The following ZNF521 variants were observed in gnomAD, a reference collection of about 807,000 sequenced individuals.
ZNF521 encodes the protein zinc finger protein 521, also known as LYST-interacting protein 3.
Under a neutral mutation model 105.5 loss-of-function variants are expected in ZNF521, and 14 were observed. The ratio of observed to expected loss-of-function variants is 0.13; its 90% CI spans 0.09 to 0.21. The LOEUF (loss-of-function observed/expected upper bound fraction) is 0.21. ZNF521 is among the 10% of genes least tolerant of loss of function. The probability of loss-of-function intolerance (pLI) is 1.00; values close to 1 mark genes in which losing one functional copy is unlikely to be tolerated. For synonymous variants in ZNF521, 635 were observed against 606.0 expected, an observed-to-expected ratio of 1.05 and a Z score of -0.70; for missense variants, 1,233 against 1,629.7, an observed-to-expected ratio of 0.76 and a Z score of 4.19.
In ZNF521 at chr18:25,227,076, A is replaced by T. The variant is rs767383538; in HGVS notation, c.842T>A (p.Leu281His). 6.2e-7 allele frequency: 1 copy of T among 1,614,062 alleles called. No individual in the cohort carries two copies. Among genetic ancestry groups the T allele is most frequent in the Non-Finnish European group, 8.5e-7 (1 of 1,180,002 alleles). The change falls in exon 4 of 8, where the codon CTC becomes CAC. Residue 281 changes from leucine to histidine, a missense_variant. Coordinates refer to ENST00000361524, the MANE Select transcript of ZNF521 (RefSeq NM_015461.3). This position sits in a 1 kb window ranked among gnomAD's most constrained non-coding sequence, Gnocchi z 5.7. ...ECSPNEDRAA[L>H]QCVYCHELFV... ...GAGCTCGTGGCAGTAGACACACTGGAGGGCCGCTCGGTCCTCATTTGGGGA... is the reference window on the plus strand; with the variant it reads ...GAGCTCGTGGCAGTAGACACACTGGTGGGCCGCTCGGTCCTCATTTGGGGA...
chr18:25,350,319 C>T (rs914375748), intron 2 of ZNF521, among the ~76,000 whole-genome samples: 1 of 151,856 alleles, frequency 6.6e-6, no homozygotes, highest in Non-Finnish European at 1.5e-5. Flanking sequence ...AGCCGGGGTC[C>T]GGTGCCCGCG....
At position 25,343,420 on chromosome 18, in the gene ZNF521, T is replaced by C. The variant is rs117951105; in HGVS notation, c.40+7487A>G. ...CATTTCCTACAGAAGGTTTAGAGTATGTTTCCGTGTATATAGACTATGTAT... is the reference window on the plus strand; with the variant it reads ...CATTTCCTACAGAAGGTTTAGAGTACGTTTCCGTGTATATAGACTATGTAT... On this transcript the variant is annotated intron_variant, in intron 2 of 7. Transcript: ENST00000361524. 5.6e-3 allele frequency among the ~76,000 whole-genome samples: 847 copies of C among 152,350 alleles called. 4 individuals carry two copies. Among genetic ancestry groups the C allele is most frequent in the Non-Finnish European group, 8.6e-3 (582 of 68,032 alleles).
At chr18:25,132,966 A>G (rs1215969347) in intron 5 of ZNF521, among the ~76,000 whole-genome samples, 1 of 152,176 alleles carries the variant, frequency 6.6e-6, no homozygotes, top group Non-Finnish European at 1.5e-5. Flanking sequence ...ACAGCAGGAC[A>G]TGTGTGCGGC....
chr18:25,173,677 C>G (rs2058368958), intron 5 of ZNF521, among the ~76,000 whole-genome samples: 2 of 151,860 alleles, frequency 1.3e-5, no homozygotes, highest in African/African-American at 4.8e-5. Flanking sequence ...CAGGTGGAAA[C>G]AAGAGATAAA....
At chr18:25,212,538 AATATATATATATATATAT>A (rs1279194731) in intron 4 of ZNF521, among the ~76,000 whole-genome samples, 3 of 48,132 alleles carry the variant, frequency 6.2e-5, no homozygotes, top group African/African-American at 3.9e-4. Context: ...AAAAAAAAAA[AATATATATATATATATAT>A]ATATATATAT....
intron 5 of ZNF521, among the ~76,000 whole-genome samples, chr18:25,141,340 G>A (rs1298486638): frequency 6.6e-6 from 1 of 152,152 alleles, no homozygotes; most frequent in Non-Finnish European, 1.5e-5. Flanking sequence ...TGGTGGTCCT[G>A]CCAAATTGTG....
chr18:25,135,347 C>CTACT (rs2034714285), intron 5 of ZNF521, among the ~76,000 whole-genome samples: 1 of 150,996 alleles, frequency 6.6e-6, no homozygotes, highest in Non-Finnish European at 1.5e-5. Flanking sequence ...CTCCTTGAGG[C>CTACT]TACTGCCCAG....
chr18:25,247,877 C>T (rs1907839971), intron 3 of ZNF521, among the ~76,000 whole-genome samples: 1 of 152,104 alleles, frequency 6.6e-6, no homozygotes, highest in South Asian at 2.1e-4. Context: ...GAAGGAAATG[C>T]ATTCATTTGT....
chr18:25,099,054 A>G (rs1366880722), intron 5 of ZNF521, among the ~76,000 whole-genome samples: 1 of 152,136 alleles, frequency 6.6e-6, no homozygotes, highest in Non-Finnish European at 1.5e-5. Context: ...TTGAGAACTC[A>G]GTTTGGGGTT....
intron 3 of ZNF521, among the ~76,000 whole-genome samples, chr18:25,256,289 T>C (rs1030701816): frequency 6.6e-6 from 1 of 152,086 alleles, no homozygotes; most frequent in South Asian, 2.1e-4. Flanking sequence ...TTAATGAGTA[T>C]AGAGTTTCAG....
rs1026523497 is a variant in ZNF521 at position 25,214,209 on chromosome 18, T to C, written c.3573+10136A>G. On this transcript the variant is annotated intron_variant, in intron 4 of 7. Transcript: ENST00000361524. ...CTTAAACTTTACATGAATAAAGTCA[T>C]TTTGCTCCTCATTCTCTCAAAAAAA... Among the ~76,000 whole-genome samples, 3 of 152,162 alleles carry C rather than the reference T, an allele frequency of 2.0e-5. No homozygotes were observed. The East Asian group carries it at 5.8e-4, about 29-fold the overall frequency.
chr18:25,062,356 G>A lies in ZNF521; in HGVS notation c.*356C>T. ...AAAGGAAGTCCAACCATAGTCTCAT[G>A]TATAACAGTTGTTTTTAATCTTTCT... On this transcript the variant is annotated 3_prime_UTR_variant, in exon 8 of 8. Coordinates refer to ENST00000361524, the MANE Select transcript of ZNF521 (RefSeq NM_015461.3). 7.1e-6 allele frequency: 2 copies of A among 279,764 alleles called. No individual in the cohort carries two copies. Among genetic ancestry groups the A allele is most frequent in the South Asian group, 8.6e-5 (1 of 11,610 alleles). The allele number at this position is 279,764 out of a possible 1,614,324, so 17.3% of individuals were successfully genotyped here.
At chr18:25,220,629 GCACCCTAT>G in intron 4 of ZNF521, among the ~76,000 whole-genome samples, 1 of 152,238 alleles carries the variant, frequency 6.6e-6, no homozygotes, top group South Asian at 2.1e-4. Flanking sequence ...TGATTCTGTG[GCACCCTAT>G]GCACATCTCG....
chr18:25,112,319 A>G (rs1322755351), intron 5 of ZNF521, among the ~76,000 whole-genome samples: 2 of 152,154 alleles, frequency 1.3e-5, no homozygotes, highest in Non-Finnish European at 2.9e-5. Context: ...TTTGATCTGC[A>G]TTATGAAATG....
At chr18:25,103,823 TAAGGAAGGGAGG>T (rs2034017961) in intron 5 of ZNF521, among the ~76,000 whole-genome samples, 1 of 146,058 alleles carries the variant, frequency 6.8e-6, no homozygotes, top group Admixed American at 6.9e-5. Context: ...AAGGAGGAAA[TAAGGAAGGGAGG>T]GAGGAAGGGA....
intron 5 of ZNF521, among the ~76,000 whole-genome samples, chr18:25,157,290 G>C (rs1458606790): frequency 6.6e-6 from 1 of 152,184 alleles, no homozygotes; most frequent in Non-Finnish European, 1.5e-5. Flanking sequence ...ATATCTGATG[G>C]AGGGTTTAAA....
chr18:25,189,556 C>T (rs1345286012), intron 5 of ZNF521, among the ~76,000 whole-genome samples: 2 of 152,218 alleles, frequency 1.3e-5, no homozygotes, highest in African/African-American at 2.4e-5. Flanking sequence ...AGGCTCCATC[C>T]TGAGATCTAT....
chr18:25,214,772 T>C (rs1284497150), intron 4 of ZNF521, among the ~76,000 whole-genome samples: 2 of 152,098 alleles, frequency 1.3e-5, no homozygotes, highest in African/African-American at 4.8e-5. Flanking sequence ...AGCTTTATGA[T>C]AGGAAGCACG....
chr18:25,207,180 T>C (rs2036096124), intron 4 of ZNF521, among the ~76,000 whole-genome samples: 1 of 152,276 alleles, frequency 6.6e-6, no homozygotes, highest in South Asian at 2.1e-4. Flanking sequence ...AGTAAGTTCA[T>C]CTATTTCAAA....
Sources: allele counts gnomAD v4.1 joint callset (sites outside exome capture counted in the v4.1 genomes callset), GRCh38; gene constraint gnomAD v4.1.1; non-coding constraint Gnocchi (gnomAD v3.1); transcripts MANE v1.5; gene names NCBI Gene and HGNC (gene_info 2026-07-23, HGNC 2026-07-21).